EPHX2: variants seen among roughly 807,000 people sequenced by gnomAD.
EPHX2 encodes epoxide hydrolase 2.
EPHX2 carries 74 observed loss-of-function variants against 78.7 expected under a neutral mutation model. That is an observed-to-expected ratio of 0.94 (90% CI 0.78 to 1.14). EPHX2 has a LOEUF of 1.14. Ranked by LOEUF, EPHX2 falls within the 50% of genes most tolerant of loss-of-function variation. The pLI is 0.00. For synonymous variants in EPHX2, 251 were observed against 255.2 expected (o/e 0.98, Z 0.16); for missense variants, 715 against 702.5 (o/e 1.02, Z -0.20).
intron 5 of EPHX2, among the ~76,000 whole-genome samples, chr8:27,508,767 C>A (rs748490653): frequency 1.3e-5 from 2 of 151,670 alleles, no homozygotes; most frequent in African/African-American, 2.4e-5. Flanking sequence ...TGTGTGTGTG[C>A]GCGCACGCAC....
intron 1 of EPHX2, among the ~76,000 whole-genome samples, 163 bp from the exon 2 acceptor site, chr8:27,500,763 C>T (rs1813734347): frequency 6.6e-6 from 1 of 152,226 alleles, no homozygotes; most frequent in Admixed American, 6.5e-5. Flanking sequence ...CTGGATGGCT[C>T]CTTGCGCGCA....
intron 3 of EPHX2, 93 bp from the exon 4 acceptor site, chr8:27,504,863 G>C (rs2132722752): frequency 7.5e-7 from 1 of 1,327,708 alleles, no homozygotes; most frequent in African/African-American, 1.4e-5. Context: ...AGCACAACCT[G>C]CTTGGCCCAT....
chr8:27,500,191 C>T (rs952565081), intron 1 of EPHX2, among the ~76,000 whole-genome samples: 10 of 152,038 alleles, frequency 6.6e-5, no homozygotes, highest in African/African-American at 2.4e-4. Flanking sequence ...TTGCTGTTCT[C>T]GTGATGTTGA....
At chr8:27,518,210 A>G (rs1020619473) in intron 9 of EPHX2, 138 bp downstream of exon 9, 3 of 688,158 alleles carry the variant, frequency 4.4e-6, no homozygotes, top group Non-Finnish European at 4.9e-6. Context: ...AAAGTTGAAC[A>G]GTATTTCCAA....
intron 15 of EPHX2, 127 bp from the exon 16 acceptor site, chr8:27,541,346 T>G: frequency 1.0e-6 from 1 of 972,666 alleles, no homozygotes; most frequent in Non-Finnish European, 1.6e-6. Flanking sequence ...GGCTCTATTC[T>G]CTTGCCCCTG....
At chr8:27,518,390 A>T (rs1256499981) in intron 9 of EPHX2, among the ~76,000 whole-genome samples, 2 of 152,236 alleles carry the variant, frequency 1.3e-5, no homozygotes, top group African/African-American at 4.8e-5. Context: ...CACCATCTAA[A>T]GCATTGAAAA....
At position 27,503,660 on chromosome 8, in the gene EPHX2, C is replaced by G; in HGVS notation, c.243C>G (p.Cys81Trp). 1 of 1,613,904 alleles carries G rather than the reference C, an allele frequency of 6.2e-7. No homozygotes were observed. ...AGTGCTCCGAGACCGCTAAAGTCTG[C>G]CTCCCCAAGAATTTCTCCATAAAAG... Reference protein sequence around the residue: ...CRKCSETAKVCLPKNFSIKEI... With the variant: ...CRKCSETAKVWLPKNFSIKEI... Residue 81 changes from cysteine to tryptophan, a missense_variant, in exon 3 of 19, where the codon TGC becomes TGG. Coordinates refer to ENST00000521400, the MANE Select transcript of EPHX2 (RefSeq NM_001979.6).
At chr8:27,511,947 T>C in intron 6 of EPHX2, 37 bp downstream of exon 6, 1 of 1,601,346 alleles carries the variant, frequency 6.2e-7, no homozygotes, top group Non-Finnish European at 8.6e-7. Context: ...CTAAGTGCTC[T>C]CCCACCAGGT....
At chr8:27,508,306 A>AAAAC (rs145897571) in intron 5 of EPHX2, among the ~76,000 whole-genome samples, 26,383 of 151,918 alleles carry the variant, frequency 0.17, 3,390 homozygotes, top group African/African-American at 0.37. Context: ...TCTGTCTCCA[A>AAAAC]AAACAAACAA....
At chr8:27,541,376 C>A in intron 15 of EPHX2, 97 bp from the exon 16 acceptor site, 1 of 1,324,674 alleles carries the variant, frequency 7.5e-7, no homozygotes, top group Non-Finnish European at 1.1e-6. Flanking sequence ...TTGCTCTTCC[C>A]AGGACGACTG....
In EPHX2 at chr8:27,544,724, AT is replaced by A. The variant is rs754835910; in HGVS notation, c.*204del. 36 of 605,282 alleles carry A rather than the reference AT, an allele frequency of 5.9e-5. No homozygotes were observed. Among genetic ancestry groups the A allele is most frequent in the Non-Finnish European group, 8.7e-5 (30 of 343,728 alleles). The allele number at this position is 605,282 out of a possible 1,614,324, so 37.5% of individuals were successfully genotyped here. A position where few individuals can be genotyped will look rare whatever the true frequency, so the allele number is the denominator to read the frequency against. On this transcript the variant is annotated 3_prime_UTR_variant, in exon 19 of 19. Transcript: ENST00000521400. ...TTAGATCCCAGAGAAATCAGGTGTG[AT>A]TAGTTCTCCAGGCATGAATGCATCG...
In EPHX2 at chr8:27,541,627, G is replaced by A. The variant is rs1207992544; in HGVS notation, c.1449+85G>A. 12 of 1,438,630 alleles carry A rather than the reference G, an allele frequency of 8.3e-6. No homozygotes were observed. In the South Asian group the frequency reaches 1.0e-4, roughly 12 times the overall value. 89.1% of individuals were successfully genotyped at this position (1,438,630 alleles called of 1,614,324 possible). A position where few individuals can be genotyped will look rare whatever the true frequency, so the allele number is the denominator to read the frequency against. On this transcript the variant is annotated intron_variant, in intron 16 of 18. Coordinates refer to ENST00000521400, the MANE Select transcript of EPHX2 (RefSeq NM_001979.6). ...CATTGGCCTGAGCTGATATGACCTG[G>A]GCCAGAGCTGGTTGTGGACAGATCT... is the stretch of plus-strand genomic sequence containing the variant.
downstream of EPHX2, among the ~76,000 whole-genome samples, chr8:27,545,739 C>T (rs930543115): frequency 6.6e-6 from 1 of 152,204 alleles, no homozygotes; most frequent in Non-Finnish European, 1.5e-5. Context: ...CGCACAATGG[C>T]CTCGCTGCTT....
intron 17 of EPHX2, among the ~76,000 whole-genome samples, 174 bp from the exon 18 acceptor site, chr8:27,544,012 C>T (rs1205914665): frequency 6.6e-6 from 1 of 152,140 alleles, no homozygotes; most frequent in East Asian, 1.9e-4. Flanking sequence ...CCTTCCTTTC[C>T]CCTGCATGGA....
chr8:27,509,152 C>T (rs1242625657), intron 5 of EPHX2, among the ~76,000 whole-genome samples: 1 of 152,118 alleles, frequency 6.6e-6, no homozygotes, highest in Non-Finnish European at 1.5e-5. Context: ...GCTTATTTCA[C>T]TTAGCATAAT....
intron 17 of EPHX2, 53 bp downstream of exon 17, chr8:27,543,882 G>A (rs1039934982): frequency 5.0e-6 from 8 of 1,585,082 alleles, no homozygotes; most frequent in African/African-American, 1.3e-5. Context: ...GAGAGGGCAC[G>A]GGTGCTCAGA....
chr8:27,513,194 C>T (rs757611494), intron 6 of EPHX2, among the ~76,000 whole-genome samples: 7 of 152,156 alleles, frequency 4.6e-5, no homozygotes, highest in African/African-American at 1.7e-4. Flanking sequence ...GTAAAGTGGG[C>T]ATCCAGGCAC....
intron 16 of EPHX2, among the ~76,000 whole-genome samples, chr8:27,541,782 A>G (rs1015793125): frequency 5.9e-5 from 9 of 152,090 alleles, no homozygotes; most frequent in African/African-American, 2.2e-4. Flanking sequence ...GGGTGTGTCC[A>G]GGGAACTGCA....
chr8:27,547,863 G>A (rs76645525), downstream of EPHX2, among the ~76,000 whole-genome samples: 557 of 152,216 alleles, frequency 3.7e-3, 5 homozygotes, highest in African/African-American at 0.013. Flanking sequence ...ATTTCCATCC[G>A]CGTTGCTGCG....
Sources: gnomAD v4.1 joint callset for allele counts (sites outside exome capture counted in the v4.1 genomes callset) on GRCh38, gnomAD v4.1.1 for gene constraint, MANE v1.5 for transcripts, NCBI Gene and HGNC (gene_info 2026-07-23, HGNC 2026-07-21) for gene names.